Variants in PDE9A observed in about 807,000 individuals in gnomAD.
The protein encoded by PDE9A is high affinity cGMP-specific 3',5'-cyclic phosphodiesterase 9A.
Under a neutral mutation model 87.4 loss-of-function variants are expected in PDE9A, and 60 were observed. The observed-to-expected ratio is 0.69, with a 90% CI of 0.56 to 0.85. PDE9A has a LOEUF of 0.85. Among genes scored for constraint, PDE9A ranks in the 40% least tolerant of loss-of-function variants. The pLI is 0.00. For missense variants in PDE9A, 665 were observed against 779.0 expected (o/e 0.85, Z 1.74); for synonymous variants, 272 against 279.4 (o/e 0.97, Z 0.27).
chr21:42,725,954 CGAGT>C (rs1304427039), intron 4 of PDE9A, among the ~76,000 whole-genome samples: 1 of 152,194 alleles, frequency 6.6e-6, no homozygotes, highest in African/African-American at 2.4e-5. Context: ...CCACCAGCCA[CGAGT>C]GAGTGAGCCG....
chr21:42,723,518 T>C lies in PDE9A; in HGVS notation c.263-8252T>C, dbSNP rs1307219467. On this transcript the variant is annotated intron_variant, in intron 4 of 19. Transcript: ENST00000291539. This position sits in a 1 kb window ranked among gnomAD's most constrained non-coding sequence, Gnocchi z 4.3. ...GATTGATCCTTGGTGTAGTCAAATC[T>C]TCTGCCTTTATGAAAGTCATGGTAT... 2.6e-5 allele frequency among the ~76,000 whole-genome samples: 4 copies of C among 152,244 alleles called. No homozygotes were observed. The East Asian group carries it at 7.7e-4, about 29-fold the overall frequency.
intron 4 of PDE9A, among the ~76,000 whole-genome samples, chr21:42,714,823 G>A (rs868314402): frequency 1.4e-4 from 18 of 129,892 alleles, no homozygotes; most frequent in African/African-American, 4.2e-4. Context: ...GATATGGTTG[G>A]GGTTAGCTCT....
Position 42,739,495 on chromosome 21 carries a change from C to T in PDE9A, c.569-4281C>T, listed in dbSNP as rs1391533929. 2.0e-5 allele frequency among the ~76,000 whole-genome samples: 3 copies of T among 152,222 alleles called. No homozygotes were observed. Among genetic ancestry groups the T allele is most frequent in the Admixed American group, 6.5e-5 (1 of 15,282 alleles). ...CTCTGCCTCCTCCTGCAGACCTCCCCGCCAGCCCCGTCATTTCATGGCATC... is the reference window on the plus strand; with the variant it reads ...CTCTGCCTCCTCCTGCAGACCTCCCTGCCAGCCCCGTCATTTCATGGCATC... On this transcript the variant is annotated intron_variant, in intron 7 of 19. Coordinates refer to ENST00000291539, the MANE Select transcript of PDE9A (RefSeq NM_002606.3). This position sits in a 1 kb window ranked among gnomAD's most constrained non-coding sequence, Gnocchi z 4.1.
chr21:42,657,357 G>A (rs1316184090), intron 1 of PDE9A, among the ~76,000 whole-genome samples: 2 of 152,228 alleles, frequency 1.3e-5, no homozygotes, highest in African/African-American at 4.8e-5. Context: ...AGACCCTCAG[G>A]TGGGCTGTTA....
At chr21:42,670,174 C>T (rs1257694542) in intron 1 of PDE9A, among the ~76,000 whole-genome samples, 2 of 145,728 alleles carry the variant, frequency 1.4e-5, no homozygotes, top group African/African-American at 2.8e-5. Flanking sequence ...CATTCACACG[C>T]ACACATACAC....
Position 42,653,736 on chromosome 21 carries a change from G to GCCCCCCCCC in PDE9A, c.-78_-77insCCCCCCCCC. The GCCCCCCCCC allele has an allele frequency of 2.2e-5, 8 of 369,118 alleles. No individual in the cohort carries two copies. Among genetic ancestry groups the GCCCCCCCCC allele is most frequent in the East Asian group, 3.6e-4 (2 of 5,580 alleles). The allele number at this position is 369,118 out of a possible 1,614,324, so 22.9% of individuals were successfully genotyped here. A position where few individuals can be genotyped will look rare whatever the true frequency, so the allele number is the denominator to read the frequency against. ...CCGCCCCCCGCCCGCCCCCTCCCCT[G>GCCCCCCCCC]CTCCCCTCCCCCGCCTCCCGCGGCG... is the stretch of plus-strand genomic sequence containing the variant. On this transcript the variant is annotated 5_prime_UTR_variant, in exon 1 of 20. Transcript: ENST00000291539.
chr21:42,740,799 AAACAG>A (rs2053173342), intron 7 of PDE9A, among the ~76,000 whole-genome samples: 1 of 151,978 alleles, frequency 6.6e-6, no homozygotes, highest in African/African-American at 2.4e-5. Context: ...ATAGATAGAT[AAACAG>A]GATGAATATT....
At chr21:42,689,595 A>G (rs2059675085) in intron 3 of PDE9A, 1 of 985,314 alleles carries the variant, frequency 1.0e-6, no homozygotes, top group African/African-American at 1.7e-5. Context: ...GTTTTCCTGA[A>G]GTCATTTGAA....
chr21:42,678,194 C>G (rs981997931), intron 1 of PDE9A, among the ~76,000 whole-genome samples: 1 of 152,196 alleles, frequency 6.6e-6, no homozygotes, highest in South Asian at 2.1e-4. Flanking sequence ...GCCCTGGGGG[C>G]GTGAGGGGTT....
intron 4 of PDE9A, chr21:42,724,620 A>G: frequency 1.0e-6 from 1 of 983,644 alleles, no homozygotes; most frequent in African/African-American, 1.7e-5. Context: ...GCTGAGTCAC[A>G]TATATTCCAT....
At chr21:42,747,039 AAAC>A (rs1278391588) in intron 8 of PDE9A, among the ~76,000 whole-genome samples, 2 of 152,194 alleles carry the variant, frequency 1.3e-5, no homozygotes, top group Non-Finnish European at 2.9e-5. Flanking sequence ...CATTGAGAAA[AAAC>A]AAATCCAGCC....
At chr21:42,765,009 G>GGATT in intron 14 of PDE9A, among the ~76,000 whole-genome samples, 1 of 143,768 alleles carries the variant, frequency 7.0e-6, no homozygotes. Context: ...ATGGATGGAT[G>GGATT]GATGGATGGA....
At position 42,760,733 on chromosome 21, in the gene PDE9A, C is replaced by T; in HGVS notation, c.1003-92C>T. Reference sequence around the variant, plus strand: ...AGATGGCTGCAGGGGCCTTTGTCCCCCGCTTACCACTCACCCAATTCCACC... The same window carrying T: ...AGATGGCTGCAGGGGCCTTTGTCCCTCGCTTACCACTCACCCAATTCCACC... On this transcript the variant is annotated intron_variant, in intron 12 of 19. Transcript: ENST00000291539. This position sits in a 1 kb window ranked among gnomAD's most constrained non-coding sequence, Gnocchi z 5.2. 1 of 786,952 alleles carries T rather than the reference C, an allele frequency of 1.3e-6. No individual in the cohort carries two copies. Among genetic ancestry groups the T allele is most frequent in the Non-Finnish European group, 2.2e-6 (1 of 446,700 alleles). The allele number at this position is 786,952 out of a possible 1,614,324, so 48.7% of individuals were successfully genotyped here. A position where few individuals can be genotyped will look rare whatever the true frequency, so the allele number is the denominator to read the frequency against.
At chr21:42,726,605 TATATATA>T (rs1251347284) in intron 4 of PDE9A, among the ~76,000 whole-genome samples, 5 of 17,034 alleles carry the variant, frequency 2.9e-4, no homozygotes, top group African/African-American at 1.8e-3. Context: ...TATATATATA[TATATATA>T]TATATATATA....
At chr21:42,682,238 C>A (rs1399290433) in intron 1 of PDE9A, among the ~76,000 whole-genome samples, 1 of 152,216 alleles carries the variant, frequency 6.6e-6, no homozygotes, top group Non-Finnish European at 1.5e-5. Context: ...AATCCAAGAA[C>A]CCTAAATGTA....
At chr21:42,655,122 G>A (rs1211150223) in intron 1 of PDE9A, among the ~76,000 whole-genome samples, 3 of 151,670 alleles carry the variant, frequency 2.0e-5, no homozygotes, top group Non-Finnish European at 4.4e-5. Context: ...ACACACACAT[G>A]CTCCAATGCT....
At chr21:42,654,612 C>T (rs936551801) in intron 1 of PDE9A, among the ~76,000 whole-genome samples, 3 of 152,186 alleles carry the variant, frequency 2.0e-5, no homozygotes, top group Non-Finnish European at 4.4e-5. Context: ...ATCCCTCAAA[C>T]CTCAGCTGGG....
At chr21:42,679,579 G>A (rs1024274789) in intron 1 of PDE9A, among the ~76,000 whole-genome samples, 10 of 152,136 alleles carry the variant, frequency 6.6e-5, no homozygotes, top group African/African-American at 1.4e-4. Context: ...TCCCTCCTCC[G>A]ACCCAGCCTC....
intron 7 of PDE9A, among the ~76,000 whole-genome samples, chr21:42,737,941 T>G (rs2052639316): frequency 6.6e-6 from 1 of 152,258 alleles, no homozygotes; most frequent in Non-Finnish European, 1.5e-5. Flanking sequence ...CTCTTCTTCC[T>G]TTTGATATAC....
Sources: gnomAD v4.1 joint callset for allele counts (sites outside exome capture counted in the v4.1 genomes callset) on GRCh38, gnomAD v4.1.1 for gene constraint, Gnocchi (gnomAD v3.1) non-coding constraint, MANE v1.5 for transcripts, NCBI Gene and HGNC (gene_info 2026-07-23, HGNC 2026-07-21) for gene names.